The following POLA1 variants were observed in gnomAD, a reference collection of about 807,000 sequenced individuals.
POLA1 encodes DNA polymerase alpha catalytic subunit.
A neutral mutation model predicts 124.0 loss-of-function variants in POLA1; 15 were observed. That is an observed-to-expected ratio of 0.12 (90% CI 0.08 to 0.19). The LOEUF (loss-of-function observed/expected upper bound fraction) is 0.19, where lower values mean the gene tolerates loss of function less well. Among genes scored for constraint, POLA1 ranks in the 10% least tolerant of loss-of-function variants. The probability of loss-of-function intolerance (pLI) is 1.00; values close to 1 mark genes in which losing one functional copy is unlikely to be tolerated. For missense variants in POLA1, 886 were observed against 1,103.4 expected, an observed-to-expected ratio of 0.80 and a Z score of 2.79; for synonymous variants, 408 against 389.4, an observed-to-expected ratio of 1.05 and a Z score of -0.56.
chrX:24,747,992 C>T (rs1932115658), intron 24 of POLA1, among the ~76,000 whole-genome samples: 1 of 111,515 alleles, frequency 9.0e-6, no homozygotes, highest in Non-Finnish European at 1.9e-5. Context: ...CCTTGGCTTC[C>T]CAAAGTGCTG....
chrX:24,766,203 C>G (rs1932900400), intron 26 of POLA1, among the ~76,000 whole-genome samples: 1 of 112,226 alleles, frequency 8.9e-6, no homozygotes, highest in Admixed American at 9.4e-5. Flanking sequence ...CTGTCATGAT[C>G]TTTTCTAGCT....
rs1350216326 is a variant in POLA1, at chrX:24,737,716, A to G, written c.2015A>G (p.Lys672Arg). 1 of 1,136,638 alleles carries G rather than the reference A, an allele frequency of 8.8e-7. No individual in the cohort carries two copies. Among genetic ancestry groups the G allele is most frequent in the Non-Finnish European group, 1.2e-6 (1 of 831,624 alleles). 93.7% of individuals were successfully genotyped at this position (1,136,638 alleles called of 1,213,427 possible). ...APHWSKIGRL[K>R]RSNMPKLGGR... is the part of the protein sequence containing the mutation. ...CACTGGTCCAAGATAGGTCGACTGA[A>G]GCGATCCAACATGCCAAAGCTTGGG... The change falls in exon 19 of 37, where the codon AAG (lysine) becomes AGG (arginine). Residue 672 changes from lysine to arginine, a missense_variant. Physicochemically the swap from Lys to Arg is conservative, Grantham distance 26 (BLOSUM62 2). Around this residue, in one of 7 missense-constraint regions of POLA1, gnomAD observed 182 missense variants for 252.8 expected, o/e 0.72. Transcript: ENST00000379068.
intron 8 of POLA1, 27 bp from the exon 9 acceptor site, chrX:24,717,263 G>T: frequency 8.5e-7 from 1 of 1,173,966 alleles, no homozygotes. Context: ...AATAACACAT[G>T]ACAAGAATGT....
At chrX:24,873,503 T>C in intron 34 of POLA1, among the ~76,000 whole-genome samples, 1 of 112,082 alleles carries the variant, frequency 8.9e-6, no homozygotes, top group Admixed American at 9.5e-5. Flanking sequence ...ATTATTACTA[T>C]CATATAATAG....
At chrX:24,913,314 T>C (rs1217384717) in intron 35 of POLA1, among the ~76,000 whole-genome samples, 1 of 111,563 alleles carries the variant, frequency 9.0e-6, no homozygotes, top group East Asian at 2.8e-4. Flanking sequence ...GTGGTTGTCA[T>C]GGGTTAGAGA....
chrX:24,892,551 G>A (rs1221182056), intron 35 of POLA1, among the ~76,000 whole-genome samples: 1 of 111,878 alleles, frequency 8.9e-6, no homozygotes, highest in Admixed American at 9.5e-5. Context: ...AAATGTGTAT[G>A]GATGTGTATG....
At position 24,769,589 on chromosome X, in the gene POLA1, A is replaced by G. The variant is rs748415778; in HGVS notation, c.2964+20597A>G. ...TGTGGGAAGGCAGAAGGAAAGACCTATCAACATCAAGGTGCCAAAGTTACA... is the reference window on the plus strand; with the variant it reads ...TGTGGGAAGGCAGAAGGAAAGACCTGTCAACATCAAGGTGCCAAAGTTACA... On this transcript the variant is annotated intron_variant, in intron 26 of 36. Transcript: ENST00000379068. 8.0e-4 allele frequency among the ~76,000 whole-genome samples: 90 copies of G among 111,853 alleles called. No individual in the cohort carries two copies. The Admixed American group carries it at 8.3e-3, about 10-fold the overall frequency.
intron 1 of POLA1, among the ~76,000 whole-genome samples, chrX:24,696,440 G>C (rs1171878008): frequency 8.9e-6 from 1 of 112,122 alleles, no homozygotes; most frequent in Non-Finnish European, 1.9e-5. Flanking sequence ...TGCCGGTTTT[G>C]TAATCCTTCT....
chrX:24,750,887 C>T (rs1457589496), intron 26 of POLA1, among the ~76,000 whole-genome samples: 1 of 111,518 alleles, frequency 9.0e-6, no homozygotes, highest in Non-Finnish European at 1.9e-5. Context: ...TCTCTTTTTA[C>T]ATGAGAAAGA....
intron 33 of POLA1, among the ~76,000 whole-genome samples, chrX:24,842,695 G>A (rs2046424439): frequency 9.0e-6 from 1 of 111,440 alleles, no homozygotes; most frequent in African/African-American, 3.3e-5. Context: ...ATAGTTAATT[G>A]CATGGAGGCT....
intron 26 of POLA1, among the ~76,000 whole-genome samples, chrX:24,759,811 A>T (rs2148421990): frequency 8.9e-6 from 1 of 112,364 alleles, no homozygotes; most frequent in South Asian, 3.7e-4. Flanking sequence ...GAATCACATA[A>T]ATTGAGTCCT....
At chrX:24,845,635 C>T (rs984195779) in intron 34 of POLA1, among the ~76,000 whole-genome samples, 9 of 111,629 alleles carry the variant, frequency 8.1e-5, no homozygotes, top group Non-Finnish European at 7.5e-5. Flanking sequence ...ATACTGATTA[C>T]AGTTATTAGT....
Position 24,714,559 on chromosome X carries a change from G to A in POLA1, c.352G>A (p.Asp118Asn). The A allele has an allele frequency of 8.6e-7, 1 of 1,159,983 alleles. No individual in the cohort carries two copies. The highest frequency in any genetic ancestry group is 1.9e-5 in the South Asian group (1 of 51,831). ...DALDADEKGK[D>N]GKARNKDKRN... ...AATAATTCATATTCCAATAGGAAAA[G>A]ATGGTAAAGCACGCAATAAAGACAA... The change falls in exon 5 of 37, where the codon GAT becomes AAT. Residue 118 changes from aspartate (D) to asparagine (N), a missense_variant. By Grantham distance (23) the Asp-to-Asn change is conservative. Around this residue, in one of 7 missense-constraint regions of POLA1, gnomAD observed 337 missense variants for 402.8 expected, o/e 0.84. Transcript: ENST00000379068.
At chrX:24,772,924 C>A (rs1020617565) in intron 26 of POLA1, among the ~76,000 whole-genome samples, 6 of 111,751 alleles carry the variant, frequency 5.4e-5, no homozygotes, top group African/African-American at 2.0e-4. Context: ...GACATAGAAT[C>A]AACCTAAATG....
chrX:24,927,165 G>A (rs1446873617), intron 35 of POLA1, among the ~76,000 whole-genome samples: 1 of 110,263 alleles, frequency 9.1e-6, no homozygotes, highest in Non-Finnish European at 1.9e-5. Flanking sequence ...AGCTCTTGGG[G>A]TGACTGGTTT....
At chrX:24,982,724 C>G (rs781505794) in intron 36 of POLA1, among the ~76,000 whole-genome samples, 19 of 110,150 alleles carry the variant, frequency 1.7e-4, no homozygotes, top group African/African-American at 4.6e-4. Flanking sequence ...TGGAATTTAT[C>G]TTCTCTCCAT....
At chrX:24,985,841 C>A (rs1163715067) in intron 36 of POLA1, among the ~76,000 whole-genome samples, 1 of 111,817 alleles carries the variant, frequency 8.9e-6, no homozygotes, top group East Asian at 2.8e-4. Context: ...CTTTGGCCAC[C>A]CACTGTCACA....
At chrX:24,903,941 C>CTT (rs1249640020) in intron 35 of POLA1, among the ~76,000 whole-genome samples, 1 of 86,798 alleles carries the variant, frequency 1.2e-5, no homozygotes, top group African/African-American at 4.2e-5. Context: ...TTCTTTCTTT[C>CTT]TTTTTTTTTT....
At chrX:24,973,347 A>G (rs892735470) in intron 36 of POLA1, among the ~76,000 whole-genome samples, 12 of 110,415 alleles carry the variant, frequency 1.1e-4, no homozygotes, top group South Asian at 4.0e-4. Context: ...CCTGGGTGAC[A>G]AGAGCAAAAC....
Sources: gnomAD v4.1 joint callset for allele counts (sites outside exome capture counted in the v4.1 genomes callset) on GRCh38, gnomAD v4.1.1 for gene constraint, gnomAD v4.1.1 regional missense constraint, MANE v1.5 for transcripts, NCBI Gene and HGNC (gene_info 2026-07-23, HGNC 2026-07-21) for gene names.